The following AGAP1 variants were observed in gnomAD, a reference collection of about 807,000 sequenced individuals.
AGAP1 encodes the protein ArfGAP with GTPase domain, ankyrin repeat and PH domain 1, also known as arf-GAP with GTPase, ANK repeat and PH domain-containing protein 1.
In AGAP1, 29 loss-of-function variants were observed where a neutral mutation model predicts 105.3. The observed-to-expected ratio is 0.28, with a 90% CI of 0.21 to 0.38. AGAP1 has a LOEUF of 0.38. AGAP1 is among the 10% of genes least tolerant of loss of function. AGAP1 has a pLI of 1.00. For synonymous variants in AGAP1, 509 were observed against 485.9 expected, an observed-to-expected ratio of 1.05 and a Z score of -0.63; for missense variants, 998 against 1,165.1, an observed-to-expected ratio of 0.86 and a Z score of 2.09.
intron 11 of AGAP1, among the ~76,000 whole-genome samples, chr2:235,913,486 G>A (rs2051721591): frequency 6.6e-6 from 1 of 151,114 alleles, no homozygotes; most frequent in African/African-American, 2.4e-5. Context: ...TGCCTTTGTT[G>A]TAGAACTCAA....
At chr2:235,738,747 A>G (rs1180932268) in intron 3 of AGAP1, among the ~76,000 whole-genome samples, 3 of 151,882 alleles carry the variant, frequency 2.0e-5, no homozygotes, top group Non-Finnish European at 4.4e-5. Context: ...TAGTAGAGAC[A>G]GGGTTTCACC....
rs562953918 is a variant in AGAP1, at chr2:236,018,773, G to A, written c.1646-17788G>A. On this transcript the variant is annotated intron_variant, in intron 13 of 17. Coordinates refer to ENST00000304032, the MANE Select transcript of AGAP1 (RefSeq NM_001037131.3). ...TGGCCTAAAGTCCCAATTCGAGCCC[G>A]TCTATGAGGGCCCGTTTCTGTGGAT... Among the ~76,000 whole-genome samples, 37 of 152,298 alleles carry A rather than the reference G, an allele frequency of 2.4e-4. No homozygotes were observed. The South Asian group carries it at 6.8e-3, about 28-fold the overall frequency.
chr2:235,636,377 C>T (rs1051831218), intron 1 of AGAP1, among the ~76,000 whole-genome samples: 2 of 152,118 alleles, frequency 1.3e-5, no homozygotes, highest in Admixed American at 1.3e-4. Flanking sequence ...ACTCAGGGAG[C>T]GTTTGTGGGA....
At position 236,051,593 on chromosome 2, in the gene AGAP1, G is replaced by A. The variant is rs552002171; in HGVS notation, c.2114+2312G>A. Among the ~76,000 whole-genome samples, 7 of 152,288 alleles carry A rather than the reference G, an allele frequency of 4.6e-5. No individual in the cohort carries two copies. The highest frequency in any genetic ancestry group is 1.9e-4 in the East Asian group (1 of 5,164). ...TGTGCCTGTCGGCGAGTACAGCACC[G>A]TGGACGGGAGCCTCCCATGAATGAG... On this transcript the variant is annotated intron_variant, in intron 16 of 17. Coordinates refer to ENST00000304032, the MANE Select transcript of AGAP1 (RefSeq NM_001037131.3). The surrounding 1 kb of genome is among the most constrained non-coding windows in gnomAD (Gnocchi z 5.9).
Position 235,609,226 on chromosome 2 carries a change from G to T in AGAP1, c.164-99953G>T, listed in dbSNP as rs1424854702. ...TGAGCACTTTTTCTTGATCACTGAT[G>T]ATGACCGTAAACAAGCTGTGGGAAC... On this transcript the variant is annotated intron_variant, in intron 1 of 17. Transcript: ENST00000304032. The surrounding 1 kb of genome is among the most constrained non-coding windows in gnomAD (Gnocchi z 5.1). 6.6e-6 allele frequency among the ~76,000 whole-genome samples: 1 copy of T among 152,144 alleles called. No homozygotes were observed. The highest frequency in any genetic ancestry group is 1.5e-5 in the Non-Finnish European group (1 of 68,042).
intron 13 of AGAP1, among the ~76,000 whole-genome samples, chr2:236,026,313 G>A (rs558753065): frequency 4.6e-5 from 7 of 152,320 alleles, no homozygotes; most frequent in African/African-American, 1.7e-4. Flanking sequence ...CCCTGTGCTG[G>A]CCAGGGAGCC....
intron 9 of AGAP1, among the ~76,000 whole-genome samples, chr2:235,813,402 G>A (rs1958267283): frequency 6.6e-6 from 1 of 152,280 alleles, no homozygotes; most frequent in South Asian, 2.1e-4. Flanking sequence ...CATGCTAACA[G>A]AATGGCGTTT....
intron 16 of AGAP1, among the ~76,000 whole-genome samples, chr2:236,110,244 C>T (rs1249757705): frequency 2.6e-5 from 4 of 152,134 alleles, no homozygotes; most frequent in Admixed American, 2.6e-4. Context: ...ACCTGTAATC[C>T]CAGCACTTTG....
In AGAP1 at chr2:235,906,700, G is replaced by A. The variant is rs79851541; in HGVS notation, c.1156-2038G>A. On this transcript the variant is annotated intron_variant, in intron 10 of 17. Coordinates refer to ENST00000304032, the MANE Select transcript of AGAP1 (RefSeq NM_001037131.3). The surrounding 1 kb of genome is among the most constrained non-coding windows in gnomAD (Gnocchi z 5.3). ...CACCCACCTGACCATGGTTGGGCAG[G>A]GAGAAAACAGCTCTTCTCATCCTCT... is the stretch of plus-strand genomic sequence containing the variant. Among the ~76,000 whole-genome samples, 991 of 152,226 alleles carry A rather than the reference G, an allele frequency of 6.5e-3. 9 individuals are homozygous for A. The highest frequency in any genetic ancestry group is 0.022 in the African/African-American group (927 of 41,530).
At chr2:236,057,952 C>T (rs192496889) in intron 16 of AGAP1, among the ~76,000 whole-genome samples, 128 of 152,226 alleles carry the variant, frequency 8.4e-4, no homozygotes, top group Middle Eastern at 6.8e-3. Flanking sequence ...ATGCCCTCCC[C>T]GGGGGTTGTG....
In AGAP1 at chr2:235,629,593, G is replaced by A. The variant is rs1406011811; in HGVS notation, c.164-79586G>A. Among the ~76,000 whole-genome samples, 7 of 152,172 alleles carry A rather than the reference G, an allele frequency of 4.6e-5. No homozygotes were observed. The East Asian group carries it at 1.4e-3, about 29-fold the overall frequency. On this transcript the variant is annotated intron_variant, in intron 1 of 17. Coordinates refer to ENST00000304032, the MANE Select transcript of AGAP1 (RefSeq NM_001037131.3). ...GAGTAAGAAGTCATTGAGGGGCCGGGCGCAGTGGCTCATACCTGTAATCCC... is the reference window on the plus strand; with the variant it reads ...GAGTAAGAAGTCATTGAGGGGCCGGACGCAGTGGCTCATACCTGTAATCCC...
intron 13 of AGAP1, among the ~76,000 whole-genome samples, chr2:236,023,300 T>C (rs1268019928): frequency 6.6e-6 from 1 of 152,160 alleles, no homozygotes; most frequent in Non-Finnish European, 1.5e-5. Flanking sequence ...GGGTCCAGCC[T>C]GGCACCTCCC....
intron 16 of AGAP1, among the ~76,000 whole-genome samples, chr2:236,054,429 G>C (rs1279452199): frequency 8.0e-6 from 1 of 125,074 alleles, no homozygotes; most frequent in Non-Finnish European, 1.6e-5. Flanking sequence ...TCAATGTTTT[G>C]TCTCTTTTGA....
intron 1 of AGAP1, among the ~76,000 whole-genome samples, chr2:235,636,413 C>T (rs1377738194): frequency 6.6e-6 from 1 of 152,148 alleles, no homozygotes; most frequent in Non-Finnish European, 1.5e-5. Flanking sequence ...AATTTACACC[C>T]AGGAGAAAGC....
chr2:235,852,637 C>G, intron 9 of AGAP1: 1 of 1,390,810 alleles, frequency 7.2e-7, no homozygotes, highest in South Asian at 1.7e-5. Context: ...TAACCCTCAT[C>G]AGATAAAGCA....
intron 13 of AGAP1, among the ~76,000 whole-genome samples, chr2:236,018,433 C>T (rs1325409914): frequency 6.6e-6 from 1 of 152,228 alleles, no homozygotes; most frequent in Non-Finnish European, 1.5e-5. Flanking sequence ...CTCTTCGCTG[C>T]ACCGCAGGGC....
intron 1 of AGAP1, among the ~76,000 whole-genome samples, chr2:235,603,142 A>T (rs1199208464): frequency 6.6e-6 from 1 of 152,078 alleles, no homozygotes; most frequent in East Asian, 1.9e-4. Context: ...TTTCCCCCAT[A>T]CTGTTCTGAT....
At position 235,891,640 on chromosome 2, in the gene AGAP1, A is replaced by T. The variant is rs912397903; in HGVS notation, c.1155+8191A>T. On this transcript the variant is annotated intron_variant, in intron 10 of 17. Coordinates refer to ENST00000304032, the MANE Select transcript of AGAP1 (RefSeq NM_001037131.3). The surrounding 1 kb of genome is among the most constrained non-coding windows in gnomAD (Gnocchi z 4.2). ...AGTGCAAGGCTGCAATTCCCTGCTG[A>T]CAAAGATGTGTGCAGTGAGATTCCT... Among the ~76,000 whole-genome samples, 1 of 152,182 alleles carries T rather than the reference A, an allele frequency of 6.6e-6. No homozygotes were observed. The highest frequency in any genetic ancestry group is 2.4e-5 in the African/African-American group (1 of 41,450).
At position 235,628,624 on chromosome 2, in the gene AGAP1, C is replaced by CT. The variant is rs530322049; in HGVS notation, c.164-80545dup. On this transcript the variant is annotated intron_variant, in intron 1 of 17. Transcript: ENST00000304032. ...AAGAAGGGGGAGCCATTGCCCACCTCTTTTTTTTTTCCATAGGTTATTGGG... is the reference window on the plus strand; with the variant it reads ...AAGAAGGGGGAGCCATTGCCCACCTCTTTTTTTTTTTCCATAGGTTATTGGG... Among the ~76,000 whole-genome samples the CT allele has an allele frequency of 2.7e-3, 405 of 149,012 alleles. 2 individuals carry two copies. The Middle Eastern group carries it at 0.028, about 10-fold the overall frequency.
Sources: gnomAD v4.1 joint callset for allele counts (sites outside exome capture counted in the v4.1 genomes callset) on GRCh38, gnomAD v4.1.1 for gene constraint, Gnocchi (gnomAD v3.1) non-coding constraint, MANE v1.5 for transcripts, NCBI Gene and HGNC (gene_info 2026-07-23, HGNC 2026-07-21) for gene names.